RNF13: variants seen among roughly 807,000 people sequenced by gnomAD.
The protein encoded by RNF13 is E3 ubiquitin-protein ligase RNF13.
In RNF13, 19 loss-of-function variants were observed where a neutral mutation model predicts 37.7. That is an observed-to-expected ratio of 0.50 (90% CI 0.35 to 0.74). The LOEUF (loss-of-function observed/expected upper bound fraction) is 0.74. Ranked by LOEUF, RNF13 falls within the 30% of genes least tolerant of loss-of-function variation. RNF13 has a pLI of 0.01. For synonymous variants in RNF13, 144 were observed against 157.8 expected (o/e 0.91, Z 0.65); for missense variants, 375 against 453.0 (o/e 0.83, Z 1.56).
At chr3:149,856,672 GC>G (rs1401292876) in intron 3 of RNF13, among the ~76,000 whole-genome samples, 1 of 152,004 alleles carries the variant, frequency 6.6e-6, no homozygotes, top group Non-Finnish European at 1.5e-5. Flanking sequence ...CGAACCCCTG[GC>G]TTCAAGCAAT....
At chr3:149,951,967 T>C (rs1721386670) in intron 8 of RNF13, among the ~76,000 whole-genome samples, 1 of 152,130 alleles carries the variant, frequency 6.6e-6, no homozygotes, top group Non-Finnish European at 1.5e-5. Context: ...TCACTACCAT[T>C]TCATGGCTTT....
intron 7 of RNF13, among the ~76,000 whole-genome samples, chr3:149,919,265 A>G (rs551204676): frequency 9.8e-5 from 15 of 152,288 alleles, no homozygotes; most frequent in African/African-American, 3.4e-4. Flanking sequence ...CACATATATC[A>G]TCCATATGTA....
chr3:149,955,712 T>A (rs922595600), intron 8 of RNF13, among the ~76,000 whole-genome samples: 10 of 152,146 alleles, frequency 6.6e-5, no homozygotes, highest in African/African-American at 2.4e-4. Context: ...ATAATGCATA[T>A]GTAAAGTCAG....
intron 1 of RNF13, among the ~76,000 whole-genome samples, chr3:149,816,086 G>A (rs900595481): frequency 8.9e-5 from 13 of 146,002 alleles, no homozygotes; most frequent in African/African-American, 3.2e-4. Flanking sequence ...TTTTTGTAGA[G>A]ACAAGGTCTC....
chr3:149,931,389 T>C (rs1719146517), intron 8 of RNF13, among the ~76,000 whole-genome samples: 1 of 152,142 alleles, frequency 6.6e-6, no homozygotes, highest in Non-Finnish European at 1.5e-5. Flanking sequence ...CTTGCATTGA[T>C]TTGTTCAATT....
At chr3:149,832,306 T>C (rs1721138921) in intron 1 of RNF13, among the ~76,000 whole-genome samples, 1 of 152,208 alleles carries the variant, frequency 6.6e-6, no homozygotes, top group Non-Finnish European at 1.5e-5. Flanking sequence ...TCATGAGTGT[T>C]ATTTGGCAGT....
chr3:149,943,810 C>CT (rs539953675), intron 8 of RNF13, among the ~76,000 whole-genome samples: 4,329 of 146,322 alleles, frequency 0.03, 73 homozygotes, highest in Non-Finnish European at 0.037. Context: ...GTTCTTTTGT[C>CT]TTTTTTTTTT....
At chr3:149,938,071 C>T (rs943340078) in intron 8 of RNF13, among the ~76,000 whole-genome samples, 1 of 151,952 alleles carries the variant, frequency 6.6e-6, no homozygotes, top group Non-Finnish European at 1.5e-5. Flanking sequence ...TTTCTCCTTG[C>T]AGTTCTATCA....
In RNF13 at chr3:149,843,274, A is replaced by G. The variant is rs377247220; in HGVS notation, c.-16-2737A>G. ...ATGATTTTACATAAGGAACTTAAGCATCTTCAGATTCTGGTATCCGCAGGG... is the reference window on the plus strand; with the variant it reads ...ATGATTTTACATAAGGAACTTAAGCGTCTTCAGATTCTGGTATCCGCAGGG... On this transcript the variant is annotated intron_variant, in intron 1 of 9. Transcript: ENST00000392894. 5.3e-5 allele frequency among the ~76,000 whole-genome samples: 8 copies of G among 152,316 alleles called. No individual in the cohort carries two copies. The East Asian group carries it at 1.5e-3, about 29-fold the overall frequency.
At chr3:149,885,464 C>G (rs573456432) in intron 4 of RNF13, among the ~76,000 whole-genome samples, 7 of 152,108 alleles carry the variant, frequency 4.6e-5, no homozygotes, top group African/African-American at 1.4e-4. Context: ...TTTTGACTTG[C>G]ATTTATCTGA....
At chr3:149,880,485 G>A (rs925507253) in intron 4 of RNF13, among the ~76,000 whole-genome samples, 3 of 151,956 alleles carry the variant, frequency 2.0e-5, no homozygotes, top group Non-Finnish European at 4.4e-5. Flanking sequence ...TATTTTAACT[G>A]GTGTGGTTCA....
intron 7 of RNF13, among the ~76,000 whole-genome samples, chr3:149,916,343 C>G (rs1717506081): frequency 6.6e-6 from 1 of 152,108 alleles, no homozygotes; most frequent in Admixed American, 6.5e-5. Context: ...TATCTTTATT[C>G]ATATCCATCT....
chr3:149,832,445 G>C (rs936822333), intron 1 of RNF13, among the ~76,000 whole-genome samples: 1 of 152,288 alleles, frequency 6.6e-6, no homozygotes, highest in Admixed American at 6.5e-5. Flanking sequence ...AGGATTTACT[G>C]TGATGCTTGG....
At chr3:149,935,506 A>G (rs1719587936) in intron 8 of RNF13, among the ~76,000 whole-genome samples, 1 of 151,854 alleles carries the variant, frequency 6.6e-6, no homozygotes, top group Non-Finnish European at 1.5e-5. Context: ...TTTCTCTGGT[A>G]GTATGTTTTA....
intron 1 of RNF13, among the ~76,000 whole-genome samples, chr3:149,837,345 G>C (rs1184487799): frequency 6.6e-6 from 1 of 152,090 alleles, no homozygotes; most frequent in Non-Finnish European, 1.5e-5. Context: ...TTAAATGACA[G>C]ATATCATGAC....
Position 149,961,300 on chromosome 3 carries a change from T to G in RNF13, c.*196T>G. On this transcript the variant is annotated 3_prime_UTR_variant, in exon 10 of 10. Coordinates refer to ENST00000392894, the MANE Select transcript of RNF13 (RefSeq NM_183381.3). ...TATACTTCATTCACTAATAATAGACTGGTGCTGTAACTCAAGCATCAATTC... is the reference window on the plus strand; with the variant it reads ...TATACTTCATTCACTAATAATAGACGGGTGCTGTAACTCAAGCATCAATTC... 1.5e-6 allele frequency: 1 copy of G among 682,730 alleles called. No homozygotes were observed. Among genetic ancestry groups the G allele is most frequent in the Non-Finnish European group, 2.6e-6 (1 of 379,516 alleles). The allele number at this position is 682,730 out of a possible 1,614,324, so 42.3% of individuals were successfully genotyped here. A position where few individuals can be genotyped will look rare whatever the true frequency, so the allele number is the denominator to read the frequency against.
At chr3:149,844,148 G>A (rs184992412) in intron 1 of RNF13, among the ~76,000 whole-genome samples, 1 of 152,266 alleles carries the variant, frequency 6.6e-6, no homozygotes, top group African/African-American at 2.4e-5. Flanking sequence ...ATATTTGTGT[G>A]CTTTTATGGT....
intron 6 of RNF13, among the ~76,000 whole-genome samples, chr3:149,903,539 G>C (rs573260322): frequency 1.3e-5 from 2 of 152,016 alleles, no homozygotes; most frequent in East Asian, 3.9e-4. Flanking sequence ...ACCTTAATTA[G>C]TGATCACATG....
At chr3:149,895,449 T>A in intron 4 of RNF13, 24 bp from the exon 5 acceptor site, 2 of 617,082 alleles carry the variant, frequency 3.2e-6, no homozygotes, top group Admixed American at 4.2e-5. Context: ...AACATAATTT[T>A]TTTTTTTTTT....
Sources: allele counts gnomAD v4.1 joint callset (sites outside exome capture counted in the v4.1 genomes callset), GRCh38; gene constraint gnomAD v4.1.1; transcripts MANE v1.5; gene names NCBI Gene and HGNC (gene_info 2026-07-23, HGNC 2026-07-21).